Variants in MDFIC2 observed in about 807,000 individuals in gnomAD.
MDFIC2 encodes the protein myoD family inhibitor domain-containing protein 2.
At chr3:70,239,327 T>A (rs1701642702) in intron 2 of MDFIC2, among the ~76,000 whole-genome samples, 2 of 152,298 alleles carry the variant, frequency 1.3e-5, no homozygotes, top group South Asian at 4.1e-4. Context: ...AGTCTTACCC[T>A]AGCTATTAGG....
intron 2 of MDFIC2, among the ~76,000 whole-genome samples, chr3:70,288,894 T>G (rs369207906): frequency 0.087 from 13,189 of 151,508 alleles, 653 homozygotes; most frequent in South Asian, 0.13. Context: ...CTGCCTTTTT[T>G]TGTTTTCCAT....
chr3:70,272,364 A>G (rs1403871426), intron 2 of MDFIC2: 1 of 152,128 alleles, frequency 6.6e-6, no homozygotes, highest in Non-Finnish European at 1.5e-5. Context: ...GATTTCATAC[A>G]CTATGTACTC....
intron 2 of MDFIC2, among the ~76,000 whole-genome samples, chr3:70,293,306 T>G (rs557302102): frequency 6.6e-6 from 1 of 152,196 alleles, no homozygotes; most frequent in African/African-American, 2.4e-5. Context: ...TATCAAAATA[T>G]GTAAAAAACT....
chr3:70,220,332 G>A (rs1183285534), intron 2 of MDFIC2, among the ~76,000 whole-genome samples: 1 of 152,090 alleles, frequency 6.6e-6, no homozygotes, highest in Non-Finnish European at 1.5e-5. Context: ...TTGGGAGGCC[G>A]AGGTGAGAGG....
At chr3:70,201,399 A>C (rs1030877295) in intron 3 of MDFIC2, among the ~76,000 whole-genome samples, 1 of 152,110 alleles carries the variant, frequency 6.6e-6, no homozygotes. Context: ...ACAGCTGTGT[A>C]GTTCTCCATG....
At chr3:70,198,614 C>A (rs1460280957) in intron 3 of MDFIC2, among the ~76,000 whole-genome samples, 1 of 152,134 alleles carries the variant, frequency 6.6e-6, no homozygotes, top group Non-Finnish European at 1.5e-5. Flanking sequence ...CTTTCTCTTA[C>A]CTTCCCTTCC....
At chr3:70,223,256 G>T (rs549764560) in intron 2 of MDFIC2, among the ~76,000 whole-genome samples, 1 of 152,102 alleles carries the variant, frequency 6.6e-6, no homozygotes, top group African/African-American at 2.4e-5. Flanking sequence ...TCGAAACTCA[G>T]AGAGATGAAG....
intron 2 of MDFIC2, among the ~76,000 whole-genome samples, chr3:70,233,554 ATGTGT>A (rs1701581101): frequency 6.6e-6 from 1 of 152,208 alleles, no homozygotes; most frequent in Admixed American, 6.5e-5. Flanking sequence ...CTTTTGACAT[ATGTGT>A]GCACCAAGAA....
chr3:70,285,064 TTTA>T (rs1417673055), intron 2 of MDFIC2, among the ~76,000 whole-genome samples: 9 of 152,150 alleles, frequency 5.9e-5, no homozygotes, highest in African/African-American at 2.2e-4. Flanking sequence ...TTTTTTTTCT[TTTA>T]TTATTATACT....
At chr3:70,287,561 T>C (rs1274242799) in intron 2 of MDFIC2, among the ~76,000 whole-genome samples, 13 of 152,196 alleles carry the variant, frequency 8.5e-5, no homozygotes, top group African/African-American at 1.9e-4. Context: ...ATCAGAATGA[T>C]GCTGGCCTCA....
At chr3:70,287,431 T>G (rs1702177899) in intron 2 of MDFIC2, among the ~76,000 whole-genome samples, 1 of 151,752 alleles carries the variant, frequency 6.6e-6, no homozygotes, top group Admixed American at 6.6e-5. Context: ...GTGGATAAAC[T>G]TTTTGATGTG....
chr3:70,247,365 C>A (rs565286383), intron 2 of MDFIC2, among the ~76,000 whole-genome samples: 5 of 151,774 alleles, frequency 3.3e-5, no homozygotes, highest in African/African-American at 1.2e-4. Context: ...ATGGTTAATG[C>A]GGAGAGAGTT....
chr3:70,272,509 T>C (rs1403541790), intron 2 of MDFIC2, among the ~76,000 whole-genome samples: 8 of 152,244 alleles, frequency 5.3e-5, no homozygotes, highest in Non-Finnish European at 1.5e-5. Context: ...TCTCCCCTGA[T>C]GGATGTTTGG....
At position 70,253,723 on chromosome 3, in the gene MDFIC2, T is replaced by C. The variant is rs575464060; in HGVS notation, c.89-46933A>G. Among the ~76,000 whole-genome samples the C allele has an allele frequency of 2.6e-5, 4 of 152,076 alleles. No individual in the cohort carries two copies. In the East Asian group the frequency reaches 7.7e-4, roughly 29 times the overall value. On this transcript the variant is annotated intron_variant, in intron 2 of 3. Coordinates refer to ENST00000567252, the MANE Select transcript of MDFIC2 (RefSeq NM_001364677.1). ...GGGCTACAGTGCAAAACCCCAACTC[T>C]AAAAAAAGTAAAAATACAAATAAAA...
intron 2 of MDFIC2, among the ~76,000 whole-genome samples, chr3:70,233,291 T>TG (rs774614035): frequency 9.9e-5 from 15 of 151,994 alleles, no homozygotes; most frequent in Non-Finnish European, 1.9e-4. Context: ...GTGGCCCTGG[T>TG]GATGTTTGAG....
chr3:70,200,212 G>T (rs1166092836), intron 3 of MDFIC2, among the ~76,000 whole-genome samples: 1 of 152,122 alleles, frequency 6.6e-6, no homozygotes, highest in Non-Finnish European at 1.5e-5. Flanking sequence ...TAGCCTCCTG[G>T]CAAGGACACT....
chr3:70,232,203 G>T (rs561111351), intron 2 of MDFIC2, among the ~76,000 whole-genome samples: 1 of 152,288 alleles, frequency 6.6e-6, no homozygotes, highest in South Asian at 2.1e-4. Flanking sequence ...CTCTGTGAGG[G>T]TGTGCACCAT....
intron 2 of MDFIC2, among the ~76,000 whole-genome samples, chr3:70,216,393 C>A (rs960242839): frequency 6.6e-6 from 1 of 151,508 alleles, no homozygotes; most frequent in East Asian, 1.9e-4. Context: ...ATATATTAAC[C>A]CATTTAATAC....
chr3:70,215,257 C>A (rs1285253980), intron 2 of MDFIC2, among the ~76,000 whole-genome samples: 3 of 152,056 alleles, frequency 2.0e-5, no homozygotes, highest in Non-Finnish European at 4.4e-5. Flanking sequence ...CAAGATTACC[C>A]CGCTGGTAAG....
Sources: gnomAD v4.1 joint callset for allele counts (sites outside exome capture counted in the v4.1 genomes callset) on GRCh38, gnomAD v4.1.1 for gene constraint, MANE v1.5 for transcripts, NCBI Gene and HGNC (gene_info 2026-07-23, HGNC 2026-07-21) for gene names.